Variants in TRIM42 observed in about 807,000 individuals in gnomAD.
TRIM42 encodes the protein tripartite motif-containing protein 42.
Under a neutral mutation model 64.9 loss-of-function variants are expected in TRIM42, and 59 were observed. The ratio of observed to expected loss-of-function variants is 0.91; its 90% CI spans 0.74 to 1.13. The LOEUF is 1.13. Ranked by LOEUF, TRIM42 falls within the 50% of genes most tolerant of loss-of-function variation. The pLI is 0.00. For missense variants in TRIM42, 878 were observed against 929.5 expected (o/e 0.94, Z 0.72); for synonymous variants, 354 against 346.3 (o/e 1.02, Z -0.25).
chr3:140,678,557 A>G lies in TRIM42; in HGVS notation c.328A>G (p.Ser110Gly), dbSNP rs377364304. ...IITFHKGRLR[S>G]IHTSSKTALR... ...CACTTTCCACAAGGGCCGCCTCAGG[A>G]GCATCCATACCTCGTAAGTGCCAGG... is the stretch of plus-strand genomic sequence containing the variant. Residue 110 changes from serine to glycine, a missense_variant, in exon 1 of 5, where the codon AGC (serine) becomes GGC (glycine). Coordinates refer to ENST00000286349, the MANE Select transcript of TRIM42 (RefSeq NM_152616.5). 1.2e-6 allele frequency: 2 copies of G among 1,613,324 alleles called. No individual in the cohort carries two copies. The highest frequency in any genetic ancestry group is 1.7e-5 in the Admixed American group (1 of 59,990).
At chr3:140,687,153 T>C (rs1988563847) in intron 2 of TRIM42, among the ~76,000 whole-genome samples, 1 of 151,956 alleles carries the variant, frequency 6.6e-6, no homozygotes, top group African/African-American at 2.4e-5. Flanking sequence ...AGAAGTGACA[T>C]AGCTGAACCA....
chr3:140,696,808 T>G (rs570774573), intron 4 of TRIM42, among the ~76,000 whole-genome samples: 3 of 152,342 alleles, frequency 2.0e-5, no homozygotes, highest in Non-Finnish European at 1.5e-5. Flanking sequence ...AGGGTCCTCA[T>G]TTTAATTAAA....
At chr3:140,682,347 T>C in intron 1 of TRIM42, 115 bp from the exon 2 acceptor site, 1 of 1,011,896 alleles carries the variant, frequency 9.9e-7, no homozygotes, top group Non-Finnish European at 1.4e-6. Context: ...CAGCTCAGGC[T>C]CCTCACCACC....
chr3:140,682,715 T>C lies in TRIM42; in HGVS notation c.595T>C (p.Tyr199His). ...PVCDRSHCMP[Y>H]SNKMQLPENY... is the part of the protein sequence containing the mutation. ...GTGCGACCGCTCGCACTGCATGCCC[T>C]ACAGCAACAAGATGCAGCTGCCCGA... is the stretch of plus-strand genomic sequence containing the variant. The change falls in exon 2 of 5, where the codon TAC (tyrosine) becomes CAC (histidine). Residue 199 changes from tyrosine to histidine, a missense_variant. By Grantham distance (83) the Tyr-to-His change is moderately conservative. Transcript: ENST00000286349. 6.2e-7 allele frequency: 1 copy of C among 1,612,620 alleles called. No homozygotes were observed. The highest frequency in any genetic ancestry group is 8.5e-7 in the Non-Finnish European group (1 of 1,180,006).
In TRIM42 at chr3:140,678,084, C is replaced by T. The variant is rs1988249191; in HGVS notation, c.-146C>T. 2.8e-6 allele frequency: 2 copies of T among 709,386 alleles called. No individual in the cohort carries two copies. Among genetic ancestry groups the T allele is most frequent in the Non-Finnish European group, 2.5e-6 (1 of 405,428 alleles). 43.9% of individuals were successfully genotyped at this position (709,386 alleles called of 1,614,324 possible). A position where few individuals can be genotyped will look rare whatever the true frequency, so the allele number is the denominator to read the frequency against. On this transcript the variant is annotated 5_prime_UTR_variant, in exon 1 of 5. Transcript: ENST00000286349. ...CTGGTAGGGACACCAGCTGTGAAGT[C>T]CTCATAACAGCCAACTTCTTGCAAC...
chr3:140,700,899 A>AGATG lies in TRIM42; in HGVS notation c.2100_2103dup (p.His702TrpfsTer8), dbSNP rs1988983757. 6.2e-7 allele frequency: 1 copy of AGATG among 1,614,152 alleles called. No homozygotes were observed. The highest frequency in any genetic ancestry group is 8.5e-7 in the Non-Finnish European group (1 of 1,179,964). ...GCTTCTGATTGCAGGTGGTAACACC[A>AGATG]GATGGACATGGGAAGAACCGAGCTA... On this transcript the variant is annotated frameshift_variant, in exon 5 of 5. Transcript: ENST00000286349. LOFTEE classifies it high-confidence loss of function.
Position 140,698,973 on chromosome 3 carries a change from G to A in TRIM42, c.2086-1915G>A, listed in dbSNP as rs180927639. The stretch of plus-strand genomic sequence containing the variant: ...TTCCTGATATTAACGTTTCTCCATT[G>A]AGTTATTTTTTATTTAGTTTTTATG... On this transcript the variant is annotated intron_variant, in intron 4 of 4. Coordinates refer to ENST00000286349, the MANE Select transcript of TRIM42 (RefSeq NM_152616.5). Among the ~76,000 whole-genome samples, 292 of 152,106 alleles carry A rather than the reference G, an allele frequency of 1.9e-3. 1 individual carries two copies. Among genetic ancestry groups the A allele is most frequent in the African/African-American group, 6.8e-3 (282 of 41,500 alleles).
At chr3:140,683,246 C>CACTCA in intron 2 of TRIM42, 87 bp downstream of exon 2, 15 of 1,338,372 alleles carry the variant, frequency 1.1e-5, no homozygotes, top group Non-Finnish European at 1.4e-5. Context: ...TAAGTGAGTG[C>CACTCA]CTTAACAGAT....
At chr3:140,687,568 A>G (rs1283886096) in intron 2 of TRIM42, among the ~76,000 whole-genome samples, 154 bp from the exon 3 acceptor site, 1 of 152,026 alleles carries the variant, frequency 6.6e-6, no homozygotes, top group Non-Finnish European at 1.5e-5. Context: ...CATTTCATAA[A>G]CCTATTCCAG....
Position 140,682,714 on chromosome 3 carries a change from C to T in TRIM42, c.594C>T (p.Pro198=), listed in dbSNP as rs1559935544. Residue 198 remains proline (P), a synonymous_variant, in exon 2 of 5, where the codon CCC becomes CCT. Transcript: ENST00000286349. ...TGTGCGACCGCTCGCACTGCATGCC[C>T]TACAGCAACAAGATGCAGCTGCCCG... ...CPVCDRSHCM[P]YSNKMQLPEN... is the part of the protein sequence containing the mutation. The T allele has an allele frequency of 6.2e-7, 1 of 1,612,802 alleles. No individual in the cohort carries two copies. The highest frequency in any genetic ancestry group is 2.2e-5 in the East Asian group (1 of 44,886).
chr3:140,697,665 TTTTGTTTATTTG>T (rs1196252907), intron 4 of TRIM42, among the ~76,000 whole-genome samples: 1 of 152,090 alleles, frequency 6.6e-6, no homozygotes, highest in African/African-American at 2.4e-5. Context: ...CTTTTGGTTT[TTTTGTTTATTTG>T]TTTGTTTATT....
At chr3:140,686,843 T>C (rs578019962) in intron 2 of TRIM42, among the ~76,000 whole-genome samples, 1 of 151,654 alleles carries the variant, frequency 6.6e-6, no homozygotes, top group Non-Finnish European at 1.5e-5. Context: ...TCATTTCACC[T>C]TTCATATAAA....
chr3:140,687,443 T>C (rs897327502), intron 2 of TRIM42, among the ~76,000 whole-genome samples: 2 of 152,234 alleles, frequency 1.3e-5, no homozygotes, highest in East Asian at 1.9e-4. Flanking sequence ...AAGGGTGGGC[T>C]TGAACTTCCA....
Position 140,687,884 on chromosome 3 carries a change from T to C in TRIM42, c.1202T>C (p.Leu401Pro), listed in dbSNP as rs377759978. Residue 401 changes from leucine (L) to proline (P), a missense_variant, in exon 3 of 5, where the codon CTA becomes CCA. Leu to Pro is a moderately conservative substitution (Grantham distance 98). Coordinates refer to ENST00000286349, the MANE Select transcript of TRIM42 (RefSeq NM_152616.5). ...EKIIMEQIENLEVSRQKEIEK... is the reference protein window; with the variant it reads ...EKIIMEQIENPEVSRQKEIEK... The stretch of plus-strand genomic sequence containing the variant: ...ATCATCATGGAGCAGATAGAGAATC[T>C]AGAAGTGTCCAGGCAGAAGGAAATT... 6.2e-7 allele frequency: 1 copy of C among 1,614,208 alleles called. No homozygotes were observed. Among genetic ancestry groups the C allele is most frequent in the Non-Finnish European group, 8.5e-7 (1 of 1,180,046 alleles).
At chr3:140,695,810 C>A (rs1016895425) in intron 4 of TRIM42, among the ~76,000 whole-genome samples, 1 of 152,144 alleles carries the variant, frequency 6.6e-6, no homozygotes, top group African/African-American at 2.4e-5. Flanking sequence ...ATCTGAATGA[C>A]CACCACTATT....
At chr3:140,689,719 T>C (rs1988655676) in intron 3 of TRIM42, among the ~76,000 whole-genome samples, 1 of 151,660 alleles carries the variant, frequency 6.6e-6, no homozygotes, top group Non-Finnish European at 1.5e-5. Flanking sequence ...GCTATCGACA[T>C]GATGAAGTGT....
In TRIM42 at chr3:140,687,811, A is replaced by T; in HGVS notation, c.1129A>T (p.Arg377Ter). 1.2e-6 allele frequency: 2 copies of T among 1,614,272 alleles called. No homozygotes were observed. Among genetic ancestry groups the T allele is most frequent in the Non-Finnish European group, 1.7e-6 (2 of 1,180,046 alleles). Reference protein sequence around the residue: ...ADKEAKRKEIRNGFLKLRSIL... With the variant: ...ADKEAKRKEI ...CAAGGAGGCAAAGCGAAAAGAGATC[A>T]GAAATGGCTTTCTCAAGTTGCGCAG... The change falls in exon 3 of 5, where the codon AGA becomes TGA. Residue 377 changes from arginine to a stop codon, truncating the protein, a stop_gained. Transcript: ENST00000286349. LOFTEE classifies it high-confidence loss of function.
intron 4 of TRIM42, among the ~76,000 whole-genome samples, chr3:140,696,040 G>A (rs1346456133): frequency 2.6e-5 from 4 of 152,066 alleles, no homozygotes; most frequent in South Asian, 2.1e-4. Context: ...GTATAATTTC[G>A]GATCATGCTG....
intron 1 of TRIM42, among the ~76,000 whole-genome samples, chr3:140,681,149 A>G (rs911069330): frequency 1.1e-4 from 17 of 152,254 alleles, no homozygotes; most frequent in African/African-American, 4.1e-4. Context: ...GATTAAATAT[A>G]TGAAATCAGC....
Sources: gnomAD v4.1 joint callset for allele counts (sites outside exome capture counted in the v4.1 genomes callset) on GRCh38, gnomAD v4.1.1 for gene constraint, MANE v1.5 for transcripts, NCBI Gene and HGNC (gene_info 2026-07-23, HGNC 2026-07-21) for gene names.